The following BRI3 variants were observed in gnomAD, a reference collection of about 807,000 sequenced individuals.
BRI3 encodes the protein membrane protein BRI3.
In BRI3, 6 loss-of-function variants were observed where a neutral mutation model predicts 12.8. The observed-to-expected ratio is 0.47, with a 90% CI of 0.26 to 0.93. The LOEUF is 0.93. Among genes scored for constraint, BRI3 ranks in the 40% least tolerant of loss-of-function variants. BRI3 has a pLI of 0.15. For synonymous variants in BRI3, 91 were observed against 76.1 expected (o/e 1.20, Z -1.02); for missense variants, 134 against 171.1 (o/e 0.78, Z 1.21).
intron 2 of BRI3, among the ~76,000 whole-genome samples, chr7:98,290,851 G>A (rs1289461212): frequency 2.6e-5 from 4 of 152,212 alleles, no homozygotes; most frequent in African/African-American, 2.4e-5. Context: ...TATTCTTCCC[G>A]TTTTCTTTGA....
upstream of BRI3, among the ~76,000 whole-genome samples, chr7:98,305,047 G>GTTTTTT (rs59633894): frequency 3.6e-4 from 36 of 100,368 alleles, 1 homozygote; most frequent in South Asian, 1.3e-3. Context: ...TTTGTTTTTT[G>GTTTTTT]TTTTTTTTTT....
At chr7:98,295,614 A>T (rs978843019), downstream of BRI3, among the ~76,000 whole-genome samples, 2 of 152,010 alleles carry the variant, frequency 1.3e-5, no homozygotes, top group African/African-American at 4.8e-5. Flanking sequence ...GGCACGATTC[A>T]TGCCAATCCT....
At chr7:98,311,967 T>TA, downstream of BRI3, 1 of 902,814 alleles carries the variant, frequency 1.1e-6, no homozygotes, top group Admixed American at 2.4e-5. Context: ...GGTAAGGGGA[T>TA]AGAGGTGCGA....
downstream of BRI3, among the ~76,000 whole-genome samples, chr7:98,313,699 AC>A (rs1800963179): frequency 6.6e-6 from 1 of 151,788 alleles, no homozygotes; most frequent in African/African-American, 2.4e-5. Flanking sequence ...GCTCACTGCA[AC>A]CTCGAACTCC....
At chr7:98,287,084 G>A (rs1175385273) in intron 2 of BRI3, among the ~76,000 whole-genome samples, 4 of 152,224 alleles carry the variant, frequency 2.6e-5, no homozygotes, top group East Asian at 1.9e-4. Flanking sequence ...TCGTTCTCCC[G>A]GGCCGGGGTT....
chr7:98,314,260 G>A (rs1800990335), downstream of BRI3, among the ~76,000 whole-genome samples: 2 of 152,128 alleles, frequency 1.3e-5, no homozygotes, highest in Admixed American at 6.6e-5. Flanking sequence ...TGGGATTACA[G>A]GCGTGAGCCA....
At chr7:98,306,392 G>T, upstream of BRI3, 1 of 1,602,708 alleles carries the variant, frequency 6.2e-7, no homozygotes, top group South Asian at 1.1e-5. Context: ...GAAACGACAA[G>T]GCAGGGGTTT....
chr7:98,306,429 TCA>T (rs1291754105), upstream of BRI3: 1 of 1,614,126 alleles, frequency 6.2e-7, no homozygotes, highest in Non-Finnish European at 8.5e-7. Context: ...TCAGCCACGT[TCA>T]GGGCTACCTT....
downstream of BRI3, among the ~76,000 whole-genome samples, chr7:98,295,528 C>T (rs1800154708): frequency 6.6e-6 from 1 of 152,194 alleles, no homozygotes; most frequent in African/African-American, 2.4e-5. Flanking sequence ...TTTAAATGCA[C>T]CAGGGTGCCT....
chr7:98,304,420 C>T (rs759891159), upstream of BRI3: 13 of 1,593,868 alleles, frequency 8.2e-6, no homozygotes, highest in South Asian at 1.3e-4. Flanking sequence ...TAATGTCTCA[C>T]CACCAAACCC....
downstream of BRI3, among the ~76,000 whole-genome samples, chr7:98,295,917 CCACT>C (rs1562962179): frequency 6.6e-6 from 1 of 152,318 alleles, no homozygotes; most frequent in Admixed American, 6.5e-5. Context: ...CAGCTGGAAG[CCACT>C]CAGTGTTGGG....
chr7:98,294,101 T>C (rs1800083605), downstream of BRI3: 1 of 1,614,098 alleles, frequency 6.2e-7, no homozygotes, highest in South Asian at 1.1e-5. Context: ...TGCAGTCCCG[T>C]TGGCATCGTT....
intron 2 of BRI3, among the ~76,000 whole-genome samples, chr7:98,289,292 G>C (rs749973318): frequency 2.0e-5 from 3 of 152,234 alleles, no homozygotes; most frequent in Non-Finnish European, 4.4e-5. Context: ...CCCGACTTCA[G>C]AATATTCTGG....
downstream of BRI3, chr7:98,292,628 C>T: frequency 6.4e-7 from 1 of 1,551,608 alleles, no homozygotes; most frequent in Non-Finnish European, 8.7e-7. Flanking sequence ...GAAAAACCCG[C>T]CCTTCTCCAG....
chr7:98,312,147 G>A, downstream of BRI3: 3 of 1,614,030 alleles, frequency 1.9e-6, no homozygotes, highest in South Asian at 1.1e-5. Context: ...CCAGACACGG[G>A]GGTAGAGGCT....
chr7:98,292,849 T>A, downstream of BRI3: 1 of 1,457,838 alleles, frequency 6.9e-7, no homozygotes, highest in Non-Finnish European at 9.1e-7. Flanking sequence ...TGGCGACTCC[T>A]AACTACCAAG....
At chr7:98,313,262 C>G (rs1800943514), downstream of BRI3, among the ~76,000 whole-genome samples, 1 of 152,056 alleles carries the variant, frequency 6.6e-6, no homozygotes, top group African/African-American at 2.4e-5. Flanking sequence ...AGGGAAGCCA[C>G]AAAACCAGTT....
downstream of BRI3, chr7:98,312,258 C>T (rs140394537): frequency 5.3e-4 from 850 of 1,604,894 alleles, 6 homozygotes; most frequent in African/African-American, 8.1e-3. Flanking sequence ...TTCAGTAGTT[C>T]TGCAGACTGC....
At chr7:98,288,447 TGTG>T (rs1438274484) in intron 2 of BRI3, among the ~76,000 whole-genome samples, 7 of 151,942 alleles carry the variant, frequency 4.6e-5, no homozygotes, top group Admixed American at 4.6e-4. Context: ...GCTGAACAAG[TGTG>T]GTGGCCTGAC....
Sources: allele counts gnomAD v4.1 joint callset (sites outside exome capture counted in the v4.1 genomes callset), GRCh38; gene constraint gnomAD v4.1.1; transcripts MANE v1.5; gene names NCBI Gene and HGNC (gene_info 2026-07-23, HGNC 2026-07-21).